Variants in ADAMTSL1 observed in about 807,000 individuals in gnomAD.
ADAMTSL1 encodes ADAMTS-like protein 1.
In ADAMTSL1, 126 loss-of-function variants were observed where a neutral mutation model predicts 201.8. The ratio of observed to expected loss-of-function variants is 0.62; its 90% CI spans 0.54 to 0.72. The LOEUF is 0.72. Ranked by LOEUF, ADAMTSL1 falls within the 30% of genes least tolerant of loss-of-function variation. The pLI, the probability that ADAMTSL1 is intolerant of heterozygous loss-of-function variation, is 0.00. For synonymous variants in ADAMTSL1, 1,121 were observed against 903.4 expected (o/e 1.24, Z -4.32); for missense variants, 2,679 against 2,277.8 (o/e 1.18, Z -3.59).
intron 22 of ADAMTSL1, among the ~76,000 whole-genome samples, chr9:18,828,414 T>A (rs1190227711): frequency 6.6e-6 from 1 of 151,912 alleles, no homozygotes; most frequent in Middle Eastern, 3.4e-3. Flanking sequence ...AGAGGAAGTA[T>A]TGAGGAGGAG....
intron 19 of ADAMTSL1, among the ~76,000 whole-genome samples, chr9:18,789,160 C>A (rs112882510): frequency 8.1e-4 from 123 of 152,254 alleles, no homozygotes; most frequent in African/African-American, 2.8e-3. Context: ...TTTATAAGCC[C>A]TGGCATGAAG....
chr9:18,060,739 A>G (rs1461441902), intron 1 of ADAMTSL1, among the ~76,000 whole-genome samples: 1 of 152,150 alleles, frequency 6.6e-6, no homozygotes, highest in African/African-American at 2.4e-5. Flanking sequence ...ACTTTTAGAA[A>G]TTCTCAGGTT....
chr9:18,045,951 G>A (rs1335931391), intron 1 of ADAMTSL1, among the ~76,000 whole-genome samples: 2 of 152,158 alleles, frequency 1.3e-5, no homozygotes, highest in African/African-American at 4.8e-5. Flanking sequence ...TAAACACTGA[G>A]ATATTGAAGA....
Position 18,392,477 on chromosome 9 carries a change from GCC to G in ADAMTSL1, c.208-112351_208-112350del, listed in dbSNP as rs1439332231. Among the ~76,000 whole-genome samples the G allele has an allele frequency of 5.3e-5, 8 of 152,102 alleles. No individual in the cohort carries two copies. The East Asian group carries it at 1.5e-3, about 29-fold the overall frequency. ...TTACTTCATCCTACATCTCCACTTG[GCC>G]TGGCGTGCTCTGCAAACCTGCTACT... On this transcript the variant is annotated intron_variant, in intron 2 of 29. Transcript: ENST00000680146.
chr9:18,270,190 A>G (rs1334796323), intron 2 of ADAMTSL1, among the ~76,000 whole-genome samples: 1 of 152,088 alleles, frequency 6.6e-6, no homozygotes, highest in African/African-American at 2.4e-5. Flanking sequence ...CCTGGCTCAT[A>G]GATGGTACCA....
chr9:18,440,951 A>G (rs185640771), intron 2 of ADAMTSL1, among the ~76,000 whole-genome samples: 83 of 152,266 alleles, frequency 5.5e-4, no homozygotes, highest in African/African-American at 1.9e-3. Context: ...TATGACAGGC[A>G]AAAGAGAAGA....
intron 22 of ADAMTSL1, among the ~76,000 whole-genome samples, chr9:18,828,099 A>T (rs1054965084): frequency 6.6e-6 from 1 of 152,236 alleles, no homozygotes; most frequent in African/African-American, 2.4e-5. Flanking sequence ...CCATGTATTC[A>T]TATAGTCCAT....
At position 18,777,017 on chromosome 9, in the gene ADAMTSL1, G is replaced by T; in HGVS notation, c.2788G>T (p.Gly930Cys). 1 of 1,606,712 alleles carries T rather than the reference G, an allele frequency of 6.2e-7. No homozygotes were observed. Among genetic ancestry groups the T allele is most frequent in the Non-Finnish European group, 8.5e-7 (1 of 1,175,252 alleles). ...GACGCACGTCACGGTGGCCCCCTTC[G>T]GCTATCTCAAGATCCACCGCCTCAA... ...SSTHVTVAPF[G>C]YLKIHRLKPS... Residue 930 changes from glycine (G) to cysteine (C), a missense_variant, in exon 19 of 29, where the codon GGC becomes TGC. Coordinates refer to ENST00000380548, the MANE Select transcript of ADAMTSL1 (RefSeq NM_001040272.6).
intron 1 of ADAMTSL1, among the ~76,000 whole-genome samples, chr9:17,923,230 G>T (rs560711777): frequency 2.0e-5 from 3 of 150,290 alleles, no homozygotes; most frequent in Non-Finnish European, 3.0e-5. Context: ...ATTACCTTGG[G>T]CAGTATGGCC....
At chr9:18,364,465 C>T (rs1416814402) in intron 2 of ADAMTSL1, among the ~76,000 whole-genome samples, 1 of 151,986 alleles carries the variant, frequency 6.6e-6, no homozygotes, top group Non-Finnish European at 1.5e-5. Context: ...TAGTTTAATC[C>T]CTTAGCTTAA....
chr9:18,479,394 C>A (rs575411465), intron 1 of ADAMTSL1, among the ~76,000 whole-genome samples: 1 of 152,278 alleles, frequency 6.6e-6, no homozygotes, highest in South Asian at 2.1e-4. Flanking sequence ...TATCCACAAG[C>A]ATTCTTTATT....
At chr9:18,031,575 A>T (rs1820956195) in intron 1 of ADAMTSL1, among the ~76,000 whole-genome samples, 2 of 152,240 alleles carry the variant, frequency 1.3e-5, no homozygotes, top group Middle Eastern at 3.4e-3. Context: ...TACTTCTTTT[A>T]TATCTTGATG....
intron 1 of ADAMTSL1, among the ~76,000 whole-genome samples, chr9:18,002,524 T>A (rs1442436270): frequency 6.6e-6 from 1 of 152,084 alleles, no homozygotes; most frequent in Non-Finnish European, 1.5e-5. Context: ...TAAGAGTATG[T>A]GACCATAGCA....
At chr9:18,236,672 A>G (rs1347905094) in intron 2 of ADAMTSL1, among the ~76,000 whole-genome samples, 2 of 152,238 alleles carry the variant, frequency 1.3e-5, no homozygotes, top group African/African-American at 4.8e-5. Context: ...TGATACAATC[A>G]TGATTAGATC....
chr9:18,743,470 T>A (rs146905305), intron 15 of ADAMTSL1, among the ~76,000 whole-genome samples: 1 of 152,138 alleles, frequency 6.6e-6, no homozygotes, highest in Non-Finnish European at 1.5e-5. Flanking sequence ...GTTGGTAACA[T>A]TGATTTTATT....
At chr9:18,503,980 A>ATGTGTGTGTG (rs57749719) in intron 1 of ADAMTSL1, among the ~76,000 whole-genome samples, 1,664 of 148,128 alleles carry the variant, frequency 0.011, 30 homozygotes, top group African/African-American at 0.037. Context: ...ATGTGCATGC[A>ATGTGTGTGTG]TGTGTGTGTG....
At chr9:18,444,087 C>G (rs532245498) in intron 2 of ADAMTSL1, among the ~76,000 whole-genome samples, 2 of 152,156 alleles carry the variant, frequency 1.3e-5, no homozygotes, top group Non-Finnish European at 2.9e-5. Flanking sequence ...AGTTATTTTA[C>G]TTGGGGATAA....
At chr9:18,367,441 T>C (rs1836817072) in intron 2 of ADAMTSL1, among the ~76,000 whole-genome samples, 1 of 152,004 alleles carries the variant, frequency 6.6e-6, no homozygotes, top group Non-Finnish European at 1.5e-5. Flanking sequence ...CATGAAAATA[T>C]CTTCCTGGGT....
intron 1 of ADAMTSL1, among the ~76,000 whole-genome samples, chr9:17,953,099 A>G (rs76151157): frequency 0.014 from 2,116 of 152,222 alleles, 24 homozygotes; most frequent in Middle Eastern, 0.037. Flanking sequence ...TGATACTGCA[A>G]ACCAAAGCTG....
Sources: gnomAD v4.1 joint callset for allele counts (sites outside exome capture counted in the v4.1 genomes callset) on GRCh38, gnomAD v4.1.1 for gene constraint, MANE v1.5 for transcripts, NCBI Gene and HGNC (gene_info 2026-07-23, HGNC 2026-07-21) for gene names.